Variants in PDE4D observed in about 807,000 individuals in gnomAD.
PDE4D encodes phosphodiesterase 4D.
PDE4D carries 24 observed loss-of-function variants against 87.4 expected under a neutral mutation model. That is an observed-to-expected ratio of 0.27 (90% CI 0.20 to 0.39). The LOEUF (loss-of-function observed/expected upper bound fraction) is 0.39. PDE4D is among the 10% of genes least tolerant of loss of function. The pLI is 1.00. For synonymous variants in PDE4D, 384 were observed against 383.2 expected, an observed-to-expected ratio of 1.00 and a Z score of -0.02; for missense variants, 714 against 1,041.0, an observed-to-expected ratio of 0.69 and a Z score of 4.32.
At chr5:59,642,911 T>A (rs1349749826) in intron 1 of PDE4D, among the ~76,000 whole-genome samples, 1 of 152,148 alleles carries the variant, frequency 6.6e-6, no homozygotes, top group African/African-American at 2.4e-5. Flanking sequence ...AAAATCAATA[T>A]AACAAAAAAT....
At chr5:60,134,117 T>C (rs1197299376) in intron 2 of PDE4D, among the ~76,000 whole-genome samples, 1 of 152,244 alleles carries the variant, frequency 6.6e-6, no homozygotes, top group African/African-American at 2.4e-5. Flanking sequence ...TATATAACTA[T>C]ACCAAATTTT....
intron 1 of PDE4D, among the ~76,000 whole-genome samples, chr5:59,649,324 A>T (rs1561401549): frequency 6.6e-6 from 1 of 152,220 alleles, no homozygotes; most frequent in Admixed American, 6.5e-5. Flanking sequence ...ATAAATCCAA[A>T]GCATTTTCAT....
chr5:59,499,814 A>G (rs984732437), intron 1 of PDE4D, among the ~76,000 whole-genome samples: 1 of 152,052 alleles, frequency 6.6e-6, no homozygotes, highest in Non-Finnish European at 1.5e-5. Context: ...CCTGAACCAA[A>G]TGGATTCACA....
intron 5 of PDE4D, among the ~76,000 whole-genome samples, chr5:59,075,345 A>T (rs1765514967): frequency 1.3e-5 from 2 of 152,160 alleles, no homozygotes; most frequent in South Asian, 4.1e-4. Context: ...TCCTTTGTCA[A>T]TTTTAATTTC....
At chr5:59,074,159 T>C (rs911064603) in intron 5 of PDE4D, among the ~76,000 whole-genome samples, 2 of 152,336 alleles carry the variant, frequency 1.3e-5, no homozygotes, top group South Asian at 4.1e-4. Flanking sequence ...CGTTTGTTAA[T>C]AACTTCATAC....
chr5:60,171,533 C>T (rs533417756), intron 2 of PDE4D, among the ~76,000 whole-genome samples: 1 of 152,004 alleles, frequency 6.6e-6, no homozygotes, highest in Admixed American at 6.6e-5. Context: ...CAAGGAGAGA[C>T]AGAATAAAAG....
chr5:59,325,578 G>C (rs1489456905), intron 1 of PDE4D, among the ~76,000 whole-genome samples: 1 of 152,138 alleles, frequency 6.6e-6, no homozygotes, highest in Non-Finnish European at 1.5e-5. Flanking sequence ...ATTATTGCTT[G>C]AGCATATTCT....
At chr5:60,025,566 T>C (rs1345182387) in intron 2 of PDE4D, among the ~76,000 whole-genome samples, 3 of 152,148 alleles carry the variant, frequency 2.0e-5, no homozygotes, top group Non-Finnish European at 4.4e-5. Context: ...AATTTTACAA[T>C]ATACCATATT....
intron 1 of PDE4D, among the ~76,000 whole-genome samples, chr5:59,362,400 G>A (rs772899267): frequency 2.0e-5 from 3 of 152,052 alleles, no homozygotes; most frequent in African/African-American, 7.2e-5. Context: ...TATCCCATGT[G>A]TGTAAGAATA....
intron 1 of PDE4D, among the ~76,000 whole-genome samples, chr5:59,239,941 G>A (rs537268464): frequency 5.3e-5 from 8 of 152,272 alleles, no homozygotes; most frequent in African/African-American, 1.4e-4. Context: ...TACATGCTCC[G>A]TAAATATGAA....
intron 1 of PDE4D, among the ~76,000 whole-genome samples, chr5:60,478,259 T>C (rs141540007): frequency 6.6e-6 from 1 of 152,336 alleles, no homozygotes; most frequent in East Asian, 1.9e-4. Context: ...ATACATTTAA[T>C]GTAATTGCAA....
intron 1 of PDE4D, among the ~76,000 whole-genome samples, chr5:59,295,838 GAAAAAAAAAACA>G (rs1020701565): frequency 2.6e-4 from 32 of 122,480 alleles, no homozygotes; most frequent in African/African-American, 9.7e-4. Context: ...CTAAGTGTAA[GAAAAAAAAAACA>G]AAAAAAAAAA....
chr5:60,101,662 A>G (rs1776233490), intron 2 of PDE4D, among the ~76,000 whole-genome samples: 1 of 152,190 alleles, frequency 6.6e-6, no homozygotes, highest in Non-Finnish European at 1.5e-5. Flanking sequence ...AAAATGCTTC[A>G]TAAGCCTAAG....
At chr5:59,986,213 C>A (rs1394582957) in intron 3 of PDE4D, among the ~76,000 whole-genome samples, 1 of 152,180 alleles carries the variant, frequency 6.6e-6, no homozygotes, top group Non-Finnish European at 1.5e-5. Context: ...TGCCACTACA[C>A]CCAGTTATTT....
chr5:59,101,450 G>A (rs148072405), intron 5 of PDE4D, among the ~76,000 whole-genome samples: 7 of 152,240 alleles, frequency 4.6e-5, no homozygotes, highest in African/African-American at 1.4e-4. Flanking sequence ...CAGGCCTTAT[G>A]TTTATATAGC....
intron 1 of PDE4D, among the ~76,000 whole-genome samples, chr5:59,484,256 T>C (rs1449656578): frequency 6.6e-6 from 1 of 152,220 alleles, no homozygotes; most frequent in Admixed American, 6.5e-5. Context: ...AAGCCAAATG[T>C]TTTCATCTAA....
At chr5:59,019,316 T>C (rs540570250) in intron 6 of PDE4D, among the ~76,000 whole-genome samples, 24 of 152,268 alleles carry the variant, frequency 1.6e-4, no homozygotes, top group African/African-American at 5.8e-4. Context: ...AATTTCCCCT[T>C]GATATAATCT....
intron 5 of PDE4D, among the ~76,000 whole-genome samples, chr5:59,076,968 T>C (rs1295471320): frequency 1.3e-5 from 2 of 152,212 alleles, no homozygotes; most frequent in African/African-American, 2.4e-5. Flanking sequence ...TCTAAAAATA[T>C]ATGGATATAA....
intron 1 of PDE4D, among the ~76,000 whole-genome samples, chr5:60,385,007 C>T (rs1762104997): frequency 6.6e-6 from 1 of 152,144 alleles, no homozygotes; most frequent in South Asian, 2.1e-4. Context: ...TACAGCTTGG[C>T]CATAATTGCA....
Sources: gnomAD v4.1 joint callset for allele counts (sites outside exome capture counted in the v4.1 genomes callset) on GRCh38, gnomAD v4.1.1 for gene constraint, MANE v1.5 for transcripts, NCBI Gene and HGNC (gene_info 2026-07-23, HGNC 2026-07-21) for gene names.